Variants in HTR2C observed in about 807,000 individuals in gnomAD.
The protein encoded by HTR2C is 5-hydroxytryptamine (serotonin) receptor 2C, G protein-coupled.
In HTR2C, 5 loss-of-function variants were observed where a neutral mutation model predicts 21.0. The observed-to-expected ratio is 0.24, with a 90% CI of 0.12 to 0.50. HTR2C has a LOEUF of 0.50. HTR2C is among the 20% of genes least tolerant of loss of function. The pLI, the probability that HTR2C is intolerant of heterozygous loss-of-function variation, is 0.98. For missense variants in HTR2C, 271 were observed against 371.2 expected, an observed-to-expected ratio of 0.73 and a Z score of 2.22; for synonymous variants, 150 against 145.3, an observed-to-expected ratio of 1.03 and a Z score of -0.23.
At chrX:114,732,067 C>T (rs925836117) in intron 4 of HTR2C, among the ~76,000 whole-genome samples, 1 of 111,598 alleles carries the variant, frequency 9.0e-6, no homozygotes, top group Non-Finnish European at 1.9e-5. Flanking sequence ...AACAGGCACT[C>T]AATAATAGCT....
In HTR2C at chrX:114,690,823, G is replaced by A. The variant is rs1602690588; in HGVS notation, c.-79-36035G>A. On this transcript the variant is annotated intron_variant, in intron 2 of 5. Coordinates refer to ENST00000276198, the MANE Select transcript of HTR2C (RefSeq NM_000868.4). ...ACAATACTAGAAAAAATTTGAGACT[G>A]ATTTAATACATTTATCGTGTCATGG... 2.7e-5 allele frequency among the ~76,000 whole-genome samples: 3 copies of A among 111,152 alleles called. No homozygotes were observed. In the East Asian group the frequency reaches 8.5e-4, roughly 31 times the overall value.
At chrX:114,723,995 G>T (rs1423778208) in intron 2 of HTR2C, among the ~76,000 whole-genome samples, 16 of 100,396 alleles carry the variant, frequency 1.6e-4, no homozygotes, top group Non-Finnish European at 2.6e-4. Flanking sequence ...ATATTCTGTT[G>T]ATTTGGGGTG....
At chrX:114,899,364 C>T (rs782400084) in intron 5 of HTR2C, among the ~76,000 whole-genome samples, 2 of 111,068 alleles carry the variant, frequency 1.8e-5, no homozygotes, top group South Asian at 7.8e-4. Context: ...GTGGTATGTA[C>T]GGACCTCCCG....
At chrX:114,748,735 A>G (rs781836234) in intron 4 of HTR2C, among the ~76,000 whole-genome samples, 108 of 112,332 alleles carry the variant, frequency 9.6e-4, no homozygotes, top group Non-Finnish European at 1.8e-3. Flanking sequence ...AAATAAACTC[A>G]AAATGGAATA....
At chrX:114,830,803 A>G (rs201568297) in intron 4 of HTR2C, among the ~76,000 whole-genome samples, 2 of 89,085 alleles carry the variant, frequency 2.2e-5, no homozygotes, top group Non-Finnish European at 4.4e-5. Context: ...CCACTAACTC[A>G]TCATCTAGCA....
intron 1 of HTR2C, among the ~76,000 whole-genome samples, chrX:114,609,494 G>T (rs896333035): frequency 9.0e-6 from 1 of 111,125 alleles, no homozygotes; most frequent in Non-Finnish European, 1.9e-5. Flanking sequence ...GTTTTTTTCT[G>T]TTGTAATTAC....
At chrX:114,815,301 C>CA (rs2070574303) in intron 4 of HTR2C, among the ~76,000 whole-genome samples, 1 of 110,884 alleles carries the variant, frequency 9.0e-6, no homozygotes, top group Non-Finnish European at 1.9e-5. Flanking sequence ...AACAAATAGG[C>CA]ACACCTTTCT....
chrX:114,793,325 A>T (rs1556444182), intron 4 of HTR2C, among the ~76,000 whole-genome samples: 1 of 111,590 alleles, frequency 9.0e-6, no homozygotes, highest in East Asian at 2.8e-4. Context: ...TCTTTAAAAA[A>T]AATTATTTAA....
chrX:114,643,948 A>G (rs1210143674), intron 2 of HTR2C, among the ~76,000 whole-genome samples: 1 of 111,208 alleles, frequency 9.0e-6, no homozygotes, highest in Non-Finnish European at 1.9e-5. Flanking sequence ...TAGTGGAACA[A>G]TTTGGGAACT....
At chrX:114,660,124 G>A (rs782334276) in intron 2 of HTR2C, among the ~76,000 whole-genome samples, 1 of 111,483 alleles carries the variant, frequency 9.0e-6, no homozygotes, top group South Asian at 3.7e-4. Flanking sequence ...TATCTTTAAC[G>A]CCACAGATAT....
At chrX:114,621,929 C>A (rs1294062215) in intron 2 of HTR2C, among the ~76,000 whole-genome samples, 1 of 111,533 alleles carries the variant, frequency 9.0e-6, no homozygotes, top group East Asian at 2.8e-4. Flanking sequence ...CTTAGAACTT[C>A]AAGTCAAGAG....
At chrX:114,769,535 C>A (rs2069979255) in intron 4 of HTR2C, among the ~76,000 whole-genome samples, 1 of 110,885 alleles carries the variant, frequency 9.0e-6, no homozygotes, top group Admixed American at 9.6e-5. Context: ...TTAGCATATT[C>A]ACAATGTTAG....
intron 2 of HTR2C, among the ~76,000 whole-genome samples, chrX:114,616,756 A>G (rs1486234859): frequency 8.9e-6 from 1 of 111,996 alleles, no homozygotes; most frequent in Non-Finnish European, 1.9e-5. Flanking sequence ...AATGTATTCA[A>G]TGTCTCCTGT....
chrX:114,902,256 G>A (rs2071342211), intron 5 of HTR2C, among the ~76,000 whole-genome samples: 1 of 111,502 alleles, frequency 9.0e-6, no homozygotes, highest in South Asian at 3.7e-4. Flanking sequence ...AAAATGCTAA[G>A]ACAAACTTAA....
intron 4 of HTR2C, among the ~76,000 whole-genome samples, chrX:114,814,771 T>C: frequency 9.8e-6 from 1 of 101,863 alleles, no homozygotes; most frequent in Admixed American, 1.2e-4. Context: ...TTATAGTATA[T>C]ATAATAATAT....
At chrX:114,851,563 G>C (rs1227084764) in intron 5 of HTR2C, among the ~76,000 whole-genome samples, 1 of 111,423 alleles carries the variant, frequency 9.0e-6, no homozygotes, top group Non-Finnish European at 1.9e-5. Context: ...CTGTAAGGAA[G>C]TGTTTTCCCT....
intron 4 of HTR2C, among the ~76,000 whole-genome samples, chrX:114,829,424 C>A (rs782711937): frequency 3.6e-5 from 4 of 111,320 alleles, no homozygotes; most frequent in Non-Finnish European, 5.7e-5. Context: ...TTCTTGCATT[C>A]TGTGGGCTGT....
At chrX:114,725,567 G>A (rs781948770) in intron 2 of HTR2C, among the ~76,000 whole-genome samples, 3 of 112,345 alleles carry the variant, frequency 2.7e-5, no homozygotes, top group South Asian at 3.7e-4. Context: ...GAGGAACTGC[G>A]TTCCTTTGGA....
Position 114,810,252 on chromosome X carries a change from G to T in HTR2C, c.350-37751G>T, listed in dbSNP as rs1162007405. 9.0e-5 allele frequency among the ~76,000 whole-genome samples: 10 copies of T among 111,319 alleles called. No individual in the cohort carries two copies. The East Asian group carries it at 2.6e-3, about 29-fold the overall frequency. ...TATGGTGTCAGGGATTAGGGGAGGG[G>T]TGATGCAAACATTCCCTTGGCCACG... On this transcript the variant is annotated intron_variant, in intron 4 of 5. Coordinates refer to ENST00000276198, the MANE Select transcript of HTR2C (RefSeq NM_000868.4).
Sources: allele counts gnomAD v4.1 joint callset (sites outside exome capture counted in the v4.1 genomes callset), GRCh38; gene constraint gnomAD v4.1.1; transcripts MANE v1.5; gene names NCBI Gene and HGNC (gene_info 2026-07-23, HGNC 2026-07-21).